SLC6A4: variants seen among roughly 807,000 people sequenced by gnomAD.
SLC6A4 encodes the protein sodium-dependent serotonin transporter.
SLC6A4 carries 22 observed loss-of-function variants against 73.4 expected under a neutral mutation model. The ratio of observed to expected loss-of-function variants is 0.30; its 90% CI spans 0.21 to 0.43. The LOEUF (loss-of-function observed/expected upper bound fraction) is 0.43. Among genes scored for constraint, SLC6A4 ranks in the 20% least tolerant of loss-of-function variants. The pLI is 1.00. For missense variants in SLC6A4, 593 were observed against 808.5 expected (o/e 0.73, Z 3.23); for synonymous variants, 270 against 315.5 (o/e 0.86, Z 1.53).
intron 7 of SLC6A4, 66 bp from the exon 8 acceptor site, chr17:30,215,780 G>T: frequency 7.2e-7 from 1 of 1,391,004 alleles, no homozygotes; most frequent in Non-Finnish European, 1.0e-6. Context: ...GGCACCAACA[G>T]GGTCGCCACT....
intron 13 of SLC6A4, among the ~76,000 whole-genome samples, chr17:30,207,514 A>C (rs546572368): frequency 9.3e-4 from 142 of 152,136 alleles, no homozygotes; most frequent in Admixed American, 3.9e-4. Context: ...CAGCTTCCTG[A>C]GTAGCTGGGA....
At chr17:30,210,370 C>T in intron 11 of SLC6A4, 145 bp downstream of exon 11, 1 of 801,350 alleles carries the variant, frequency 1.2e-6, no homozygotes, top group Non-Finnish European at 1.9e-6. Context: ...TCCTTGATGA[C>T]AAACCTTTTA....
intron 3 of SLC6A4, among the ~76,000 whole-genome samples, chr17:30,219,421 C>T (rs966260839): frequency 3.9e-5 from 6 of 152,144 alleles, no homozygotes; most frequent in Non-Finnish European, 7.3e-5. Flanking sequence ...TAGGTGATTC[C>T]GATGCAGCCA....
chr17:30,203,198 T>C lies in SLC6A4; in HGVS notation c.1792A>G (p.Ile598Val). ...TCTTTAAATGTCCCTGGAGTGATGA[T>C]CAACCGATAAGCTATATATGTGGGG... ...CIPTYIAYRLIITPGTFKERI... is the reference protein window; with the variant it reads ...CIPTYIAYRLVITPGTFKERI... Residue 598 changes from isoleucine (I) to valine (V), a missense_variant, in exon 14 of 15, where the codon ATC (isoleucine) becomes GTC (valine). Coordinates refer to ENST00000650711, the MANE Select transcript of SLC6A4 (RefSeq NM_001045.6). The C allele has an allele frequency of 1.2e-6, 2 of 1,613,974 alleles. No individual in the cohort carries two copies. Among genetic ancestry groups the C allele is most frequent in the Non-Finnish European group, 1.7e-6 (2 of 1,179,870 alleles).
chr17:30,198,385 GA>G lies in SLC6A4; in HGVS notation c.*70del. The G allele has an allele frequency of 2.4e-6, 2 of 831,290 alleles. No homozygotes were observed. Among genetic ancestry groups the G allele is most frequent in the East Asian group, 2.5e-5 (1 of 39,654 alleles). The allele number at this position is 831,290 out of a possible 1,614,324, so 51.5% of individuals were successfully genotyped here. A position where few individuals can be genotyped will look rare whatever the true frequency, so the allele number is the denominator to read the frequency against. On this transcript the variant is annotated 3_prime_UTR_variant, in exon 15 of 15. Coordinates refer to ENST00000650711, the MANE Select transcript of SLC6A4 (RefSeq NM_001045.6). ...TGGAAACTCATTCACTTGGAGGGGAGAAGGCAGGCGTGCCTCATCAGAACTG... is the reference window on the plus strand; with the variant it reads ...TGGAAACTCATTCACTTGGAGGGGAGAGGCAGGCGTGCCTCATCAGAACTG...
Position 30,231,869 on chromosome 17 carries a change from C to A in SLC6A4, c.-221+3744G>T, listed in dbSNP as rs1024823412. Among the ~76,000 whole-genome samples, 3 of 152,172 alleles carry A rather than the reference C, an allele frequency of 2.0e-5. No individual in the cohort carries two copies. The South Asian group carries it at 6.2e-4, about 32-fold the overall frequency. On this transcript the variant is annotated intron_variant, in intron 1 of 14. Coordinates refer to ENST00000650711, the MANE Select transcript of SLC6A4 (RefSeq NM_001045.6). ...AGAAAGGGCCAGCTAATTTGGTTCGCCTTTTAAAGAAGACATGCCCATCAT... is the reference window on the plus strand; with the variant it reads ...AGAAAGGGCCAGCTAATTTGGTTCGACTTTTAAAGAAGACATGCCCATCAT...
At chr17:30,224,455 T>C (rs1313972927) in intron 1 of SLC6A4, among the ~76,000 whole-genome samples, 2 of 152,132 alleles carry the variant, frequency 1.3e-5, no homozygotes, top group Non-Finnish European at 2.9e-5. Context: ...TGACCTCACA[T>C]GATCCACCCG....
chr17:30,230,900 T>C (rs28409885), intron 1 of SLC6A4, among the ~76,000 whole-genome samples: 3 of 152,162 alleles, frequency 2.0e-5, no homozygotes, highest in African/African-American at 7.2e-5. Context: ...TTCTGAGATG[T>C]GCTTTAGTGT....
chr17:30,212,042 TG>T (rs1234223324), intron 9 of SLC6A4, among the ~76,000 whole-genome samples: 3 of 152,188 alleles, frequency 2.0e-5, no homozygotes, highest in African/African-American at 7.2e-5. Context: ...AAGAAGGCCC[TG>T]GGACCTCGCC....
intron 12 of SLC6A4, among the ~76,000 whole-genome samples, chr17:30,208,400 T>C (rs1274780289): frequency 6.6e-6 from 1 of 151,850 alleles, no homozygotes; most frequent in African/African-American, 2.4e-5. Flanking sequence ...AAAAAGTAAC[T>C]GGTAAGGAAG....
intron 1 of SLC6A4, among the ~76,000 whole-genome samples, chr17:30,226,657 G>A (rs554592880): frequency 3.9e-5 from 6 of 152,072 alleles, no homozygotes; most frequent in Non-Finnish European, 8.8e-5. Flanking sequence ...CTGAGATTGA[G>A]CCACTACACT....
At chr17:30,208,671 G>C (rs1001641945) in intron 12 of SLC6A4, among the ~76,000 whole-genome samples, 9 of 150,894 alleles carry the variant, frequency 6.0e-5, no homozygotes, top group African/African-American at 2.2e-4. Context: ...ATGCAAAAGT[G>C]GTTTATTTTT....
rs55749114 is a variant in SLC6A4, at chr17:30,235,127, CA to C, written c.-221+485del. Among the ~76,000 whole-genome samples, 1,744 of 152,226 alleles carry C rather than the reference CA, an allele frequency of 0.011. 35 individuals are homozygous for C. Among genetic ancestry groups the C allele is most frequent in the African/African-American group, 0.041 (1,682 of 41,512 alleles). ...ACGGAGACTCGGCCCACTTAGGCGC[CA>C]CTCAGAGATTTCTCTAGCTGTCTGG... On this transcript the variant is annotated intron_variant, in intron 1 of 14. Transcript: ENST00000650711. This position sits in a 1 kb window ranked among gnomAD's most constrained non-coding sequence, Gnocchi z 4.5.
chr17:30,214,271 A>T (rs556243276), intron 8 of SLC6A4, among the ~76,000 whole-genome samples: 34 of 151,700 alleles, frequency 2.2e-4, no homozygotes, highest in Admixed American at 6.6e-4. Context: ...AAAAATACAA[A>T]TTTAGCCAGT....
rs767140114 is a variant in SLC6A4 at position 30,210,568 on chromosome 17, C to G, written c.1396G>C (p.Val466Leu). The change falls in exon 11 of 15, where the codon GTG (valine) becomes CTG (leucine). Residue 466 changes from valine to leucine, a missense_variant. Transcript: ENST00000650711. Reference sequence around the variant, plus strand: ...AAGCAGGTGATGACCACGGCGAGCACGAACCGCTCCCGGCGCTTGGCCCAG... The same window carrying G: ...AAGCAGGTGATGACCACGGCGAGCAGGAACCGCTCCCGGCGCTTGGCCCAG... ...HVWAKRRERF[V>L]LAVVITCFFG... 58 of 1,613,854 alleles carry G rather than the reference C, an allele frequency of 3.6e-5. No individual in the cohort carries two copies. The highest frequency in any genetic ancestry group is 4.7e-5 in the Non-Finnish European group (56 of 1,179,916).
chr17:30,222,501 G>A (rs528984133), intron 2 of SLC6A4, among the ~76,000 whole-genome samples: 34 of 152,308 alleles, frequency 2.2e-4, no homozygotes, highest in African/African-American at 8.2e-4. Context: ...ACAATGACAA[G>A]CAAAGGCGTT....
intron 13 of SLC6A4, chr17:30,203,574 TATAGGGGGATGTTGCAG>T (rs540392070): frequency 0.02 from 10,335 of 504,322 alleles, 162 homozygotes; most frequent in Middle Eastern, 0.04. Flanking sequence ...CCTCACTTCC[TATAGGGGGATGTTGCAG>T]CAGCCCTACA....
intron 4 of SLC6A4, 92 bp downstream of exon 4, chr17:30,218,705 G>C (rs1906657627): frequency 7.2e-7 from 1 of 1,388,292 alleles, no homozygotes; most frequent in African/African-American, 1.4e-5. Flanking sequence ...AGGCCTGACT[G>C]ATTCCAGAAG....
At chr17:30,214,685 T>A (rs1597638949) in intron 8 of SLC6A4, among the ~76,000 whole-genome samples, 1 of 148,086 alleles carries the variant, frequency 6.8e-6, no homozygotes, top group African/African-American at 2.5e-5. Flanking sequence ...CAGGCTGGAG[T>A]GCAGTGGCAC....
Sources: allele counts gnomAD v4.1 joint callset (sites outside exome capture counted in the v4.1 genomes callset), GRCh38; gene constraint gnomAD v4.1.1; non-coding constraint Gnocchi (gnomAD v3.1); transcripts MANE v1.5; gene names NCBI Gene and HGNC (gene_info 2026-07-23, HGNC 2026-07-21).